SAMD5: variants seen among roughly 807,000 people sequenced by gnomAD.
SAMD5 encodes the protein sterile alpha motif domain containing 5, also known as sterile alpha motif domain-containing protein 5.
Under a neutral mutation model 11.3 loss-of-function variants are expected in SAMD5, and 13 were observed. That is an observed-to-expected ratio of 1.15 (90% CI 0.75 to 1.83). The LOEUF (loss-of-function observed/expected upper bound fraction) is 1.83. Among genes scored for constraint, SAMD5 ranks in the 40% most tolerant of loss-of-function variants. The pLI is 0.00. For missense variants in SAMD5, 255 were observed against 239.1 expected (o/e 1.07, Z -0.44); for synonymous variants, 129 against 111.3 (o/e 1.16, Z -1.00).
intron 1 of SAMD5, among the ~76,000 whole-genome samples, chr6:147,638,177 T>A (rs1391346727): frequency 6.6e-6 from 1 of 152,160 alleles, no homozygotes; most frequent in East Asian, 1.9e-4. Context: ...AGGAAGTCAT[T>A]TTCGATGCTA....
intron 1 of SAMD5, among the ~76,000 whole-genome samples, chr6:147,553,966 A>G (rs1788813044): frequency 6.6e-6 from 1 of 152,148 alleles, no homozygotes; most frequent in Non-Finnish European, 1.5e-5. Context: ...CATGTGTGTT[A>G]GTCCATTCTC....
the SAMD5 span, among the ~76,000 whole-genome samples, chr6:147,810,418 C>T: frequency 6.6e-6 from 1 of 152,176 alleles, no homozygotes; most frequent in Non-Finnish European, 1.5e-5. Flanking sequence ...CCAGGAGCAC[C>T]TTGCTGTGTG....
chr6:147,769,390 A>C, the SAMD5 span, among the ~76,000 whole-genome samples: 1 of 151,918 alleles, frequency 6.6e-6, no homozygotes, highest in Admixed American at 6.6e-5. Context: ...TTAAGCTTTT[A>C]TAAGGCATTT....
intron 1 of SAMD5, among the ~76,000 whole-genome samples, chr6:147,526,851 AG>A (rs1290567053): frequency 6.6e-6 from 1 of 151,038 alleles, no homozygotes; most frequent in Non-Finnish European, 1.5e-5. Flanking sequence ...TGAGCTGTTG[AG>A]GAACTTCCCT....
At chr6:147,556,874 G>T (rs1788866450) in intron 1 of SAMD5, among the ~76,000 whole-genome samples, 1 of 152,078 alleles carries the variant, frequency 6.6e-6, no homozygotes, top group Non-Finnish European at 1.5e-5. Flanking sequence ...CTTGAAAGTG[G>T]CCACTAAAAC....
the SAMD5 span, among the ~76,000 whole-genome samples, chr6:147,881,612 GAGCT>G: frequency 1.3e-5 from 2 of 152,124 alleles, no homozygotes; most frequent in Non-Finnish European, 2.9e-5. Context: ...GAAGCCCCCT[GAGCT>G]TTCTTCCTTA....
chr6:147,919,532 A>G, the SAMD5 span, among the ~76,000 whole-genome samples: 3 of 152,218 alleles, frequency 2.0e-5, no homozygotes, highest in Non-Finnish European at 2.9e-5. Flanking sequence ...GCAAAGATTC[A>G]TTGGCATTAG....
At chr6:147,949,219 G>T in the SAMD5 span, among the ~76,000 whole-genome samples, 833 of 152,216 alleles carry the variant, frequency 5.5e-3, 3 homozygotes, top group African/African-American at 0.019. Context: ...GAAATATAGT[G>T]GTGCAGGTTT....
intron 1 of SAMD5, chr6:147,730,302 A>C: frequency 3.1e-6 from 1 of 326,362 alleles, no homozygotes; most frequent in East Asian, 7.6e-5. Flanking sequence ...TTGAGGGACT[A>C]AACACAGACT....
At chr6:147,909,522 C>T in the SAMD5 span, among the ~76,000 whole-genome samples, 6 of 151,964 alleles carry the variant, frequency 3.9e-5, no homozygotes, top group African/African-American at 9.7e-5. Flanking sequence ...AGAGCTCAAA[C>T]GGGGAACAGG....
At chr6:147,542,939 A>G (rs996963324) in intron 1 of SAMD5, among the ~76,000 whole-genome samples, 1 of 152,220 alleles carries the variant, frequency 6.6e-6, no homozygotes, top group African/African-American at 2.4e-5. Context: ...ATAAACAAGG[A>G]CAGCTTAAAG....
chr6:147,867,066 G>A, the SAMD5 span, among the ~76,000 whole-genome samples: 12 of 152,208 alleles, frequency 7.9e-5, no homozygotes, highest in East Asian at 5.8e-4. Context: ...AAAATTTTCC[G>A]AATATTAATC....
downstream of SAMD5, among the ~76,000 whole-genome samples, chr6:147,737,791 T>G (rs1791826474): frequency 6.9e-6 from 1 of 144,338 alleles, no homozygotes. Flanking sequence ...TACATACACA[T>G]GCACACGTTT....
At chr6:147,649,913 T>C (rs1433983898) in intron 1 of SAMD5, among the ~76,000 whole-genome samples, 3 of 152,164 alleles carry the variant, frequency 2.0e-5, no homozygotes, top group African/African-American at 7.2e-5. Flanking sequence ...TATATTACCA[T>C]GCCTTTTAAA....
In SAMD5 at chr6:147,567,801, A is replaced by G. The variant is rs9390477; in HGVS notation, c.*3345A>G. On this transcript the variant is annotated 3_prime_UTR_variant, in exon 2 of 2. Transcript: ENST00000367474. The stretch of plus-strand genomic sequence containing the variant: ...CCCTTTGATTTCTCTCAGGAAGGAT[A>G]AAAAAGGCTACAGTACCTGCTCATA... The G allele has an allele frequency of 0.1, 102,770 of 984,708 alleles. 6,906 individuals carry two copies. Among genetic ancestry groups the G allele is most frequent in the East Asian group, 0.34 (2,978 of 8,784 alleles). 61.0% of individuals were successfully genotyped at this position (984,708 alleles called of 1,614,324 possible).
intron 1 of SAMD5, among the ~76,000 whole-genome samples, chr6:147,635,226 TCAC>T (rs67874878): frequency 0.53 from 80,135 of 151,474 alleles, 22,807 homozygotes; most frequent in South Asian, 0.72. Context: ...ATCACTGTTG[TCAC>T]CACCACCACC....
chr6:147,619,101 T>C (rs1328571433), intron 1 of SAMD5, among the ~76,000 whole-genome samples: 1 of 152,228 alleles, frequency 6.6e-6, no homozygotes, highest in Non-Finnish European at 1.5e-5. Flanking sequence ...TTTCCTGCTC[T>C]TGTGAAAAGC....
At chr6:147,584,900 C>T (rs1429748061) in intron 1 of SAMD5, among the ~76,000 whole-genome samples, 5 of 152,132 alleles carry the variant, frequency 3.3e-5, no homozygotes, top group Non-Finnish European at 7.4e-5. Context: ...AGAGAAAAAT[C>T]TGTTGATTTT....
chr6:147,932,907 TG>T, the SAMD5 span, among the ~76,000 whole-genome samples: 1 of 152,208 alleles, frequency 6.6e-6, no homozygotes, highest in Admixed American at 6.5e-5. Context: ...AAAATCATGA[TG>T]ATTATGTAAA....
Sources: gnomAD v4.1 joint callset for allele counts (sites outside exome capture counted in the v4.1 genomes callset) on GRCh38, gnomAD v4.1.1 for gene constraint, MANE v1.5 for transcripts, NCBI Gene and HGNC (gene_info 2026-07-23, HGNC 2026-07-21) for gene names.